Variants in PRICKLE1 observed in about 807,000 individuals in gnomAD.
The protein encoded by PRICKLE1 is prickle planar cell polarity protein 1.
Under a neutral mutation model 70.2 loss-of-function variants are expected in PRICKLE1, and 14 were observed. The ratio of observed to expected loss-of-function variants is 0.20; its 90% CI spans 0.13 to 0.31. PRICKLE1 has a LOEUF of 0.31. Ranked by LOEUF, PRICKLE1 falls within the 10% of genes least tolerant of loss-of-function variation. PRICKLE1 has a pLI of 1.00. For synonymous variants in PRICKLE1, 357 were observed against 379.9 expected, an observed-to-expected ratio of 0.94 and a Z score of 0.70; for missense variants, 821 against 1,026.2, an observed-to-expected ratio of 0.80 and a Z score of 2.73.
intron 1 of PRICKLE1, among the ~76,000 whole-genome samples, chr12:42,501,525 A>G (rs1464698181): frequency 5.7e-4 from 59 of 102,948 alleles, no homozygotes; most frequent in African/African-American, 2.3e-3. Flanking sequence ...AAAAAAAAAA[A>G]AAAAAGAAAA....
intron 1 of PRICKLE1, among the ~76,000 whole-genome samples, chr12:42,487,353 AT>A (rs1270556000): frequency 6.6e-6 from 1 of 152,222 alleles, no homozygotes; most frequent in Non-Finnish European, 1.5e-5. Context: ...GCTAACAGGC[AT>A]TATAAAGTTT....
In PRICKLE1 at chr12:42,469,565, C is replaced by T. The variant is rs1208843941; in HGVS notation, c.269G>A (p.Ser90Asn). 6.2e-7 allele frequency: 1 copy of T among 1,614,064 alleles called. No homozygotes were observed. The highest frequency in any genetic ancestry group is 8.5e-7 in the Non-Finnish European group (1 of 1,180,058). Reference sequence around the variant, plus strand: ...CTGCAACTCTTTTTTCTCCTCTTCACTCAAAGACTGGCAATACCGTACCTT... The same window carrying T: ...CTGCAACTCTTTTTTCTCCTCTTCATTCAAAGACTGGCAATACCGTACCTT... ...DNEVRYCQSL[S>N]EEEKKELQVF... Residue 90 changes from serine to asparagine, a missense_variant, in exon 4 of 8, where the codon AGT (serine) becomes AAT (asparagine). Physicochemically the swap from Ser to Asn is conservative, Grantham distance 46 (BLOSUM62 1). Coordinates refer to ENST00000345127, the MANE Select transcript of PRICKLE1 (RefSeq NM_153026.3).
At chr12:42,495,380 CAAA>C (rs756105644) in intron 1 of PRICKLE1, among the ~76,000 whole-genome samples, 8,568 of 68,722 alleles carry the variant, frequency 0.12, 314 homozygotes, top group Middle Eastern at 0.26. Context: ...GACCTTGTCT[CAAA>C]AAAAAAAAAA....
At chr12:42,476,642 C>T (rs6582398) in intron 1 of PRICKLE1, among the ~76,000 whole-genome samples, 95,596 of 151,216 alleles carry the variant, frequency 0.63, 30,368 homozygotes, top group African/African-American at 0.68. Context: ...CCTGATAACA[C>T]GAAAACTTCA....
chr12:42,461,570 A>C (rs1205313790), intron 7 of PRICKLE1, among the ~76,000 whole-genome samples: 1 of 152,260 alleles, frequency 6.6e-6, no homozygotes, highest in East Asian at 1.9e-4. Flanking sequence ...AAAAAGGGCT[A>C]TCGAGCCCAT....
At chr12:42,489,638 G>T (rs1312127189) in intron 1 of PRICKLE1, 1 of 124,594 alleles carries the variant, frequency 8.0e-6, no homozygotes, top group Non-Finnish European at 1.6e-5. Flanking sequence ...AAACCTGGGG[G>T]ATAAGAGCGA....
At chr12:42,518,644 A>T (rs1221416528) in intron 1 of PRICKLE1, among the ~76,000 whole-genome samples, 5 of 152,218 alleles carry the variant, frequency 3.3e-5, no homozygotes, top group Admixed American at 3.3e-4. Flanking sequence ...CCTTAAAACT[A>T]AAACATTATT....
At chr12:42,519,192 C>CTTTT (rs1939663576) in intron 1 of PRICKLE1, among the ~76,000 whole-genome samples, 1 of 72,380 alleles carries the variant, frequency 1.4e-5, no homozygotes, top group South Asian at 4.9e-4. Flanking sequence ...TCCTTTTTTT[C>CTTTT]CTTTTTTTTT....
intron 1 of PRICKLE1, among the ~76,000 whole-genome samples, chr12:42,498,820 T>G (rs1291698203): frequency 6.6e-6 from 1 of 152,150 alleles, no homozygotes; most frequent in African/African-American, 2.4e-5. Context: ...TTCTTCTACT[T>G]GGAGCCATCT....
intron 1 of PRICKLE1, among the ~76,000 whole-genome samples, chr12:42,586,605 TA>T (rs2120819828): frequency 1.3e-5 from 2 of 152,328 alleles, no homozygotes; most frequent in South Asian, 4.1e-4. Flanking sequence ...TAAGTAATGA[TA>T]ATCTTTACTG....
chr12:42,484,827 A>G (rs758336168), intron 1 of PRICKLE1, among the ~76,000 whole-genome samples: 21 of 152,366 alleles, frequency 1.4e-4, no homozygotes, highest in Non-Finnish European at 2.6e-4. Context: ...CAGAAAAAAA[A>G]TGATAGATTA....
chr12:42,537,411 T>C (rs1940033648), intron 1 of PRICKLE1, among the ~76,000 whole-genome samples: 1 of 152,180 alleles, frequency 6.6e-6, no homozygotes, highest in Non-Finnish European at 1.5e-5. Flanking sequence ...GCGACCATCC[T>C]GCCTCTGTCT....
intron 1 of PRICKLE1, chr12:42,483,517 G>T (rs1165041744): frequency 6.6e-6 from 1 of 151,998 alleles, no homozygotes; most frequent in Non-Finnish European, 1.5e-5. Context: ...ACTCCCGAAG[G>T]AACAGAGGGC....
rs377501862 is a variant in PRICKLE1 at position 42,507,957 on chromosome 12, C to T, written c.-48-35393G>A. 1.2e-3 allele frequency among the ~76,000 whole-genome samples: 189 copies of T among 152,244 alleles called. 1 individual carries two copies. Among genetic ancestry groups the T allele is most frequent in the African/African-American group, 4.3e-3 (178 of 41,542 alleles). On this transcript the variant is annotated intron_variant, in intron 1 of 7. Coordinates refer to ENST00000345127, the MANE Select transcript of PRICKLE1 (RefSeq NM_153026.3). ...GATTTTATCAGGATATAAAATGCAACGATGTCAATCTCATTTGGATTAATC... is the reference window on the plus strand; with the variant it reads ...GATTTTATCAGGATATAAAATGCAATGATGTCAATCTCATTTGGATTAATC...
At chr12:42,492,935 T>C (rs1939130714) in intron 1 of PRICKLE1, among the ~76,000 whole-genome samples, 1 of 152,188 alleles carries the variant, frequency 6.6e-6, no homozygotes, top group African/African-American at 2.4e-5. Flanking sequence ...TCAATAGATA[T>C]TTATGGAGTG....
intron 1 of PRICKLE1, among the ~76,000 whole-genome samples, chr12:42,566,139 TG>T (rs1463419454): frequency 5.9e-5 from 9 of 152,194 alleles, no homozygotes; most frequent in Admixed American, 1.3e-4. Context: ...ATCCTCATTT[TG>T]GACGGATCAC....
At chr12:42,480,575 C>A (rs1938757688) in intron 1 of PRICKLE1, among the ~76,000 whole-genome samples, 1 of 152,158 alleles carries the variant, frequency 6.6e-6, no homozygotes, top group African/African-American at 2.4e-5. Flanking sequence ...GCTATTTTGG[C>A]CACTTGGGGA....
intron 1 of PRICKLE1, among the ~76,000 whole-genome samples, chr12:42,573,922 G>A (rs1940763138): frequency 6.6e-6 from 1 of 152,132 alleles, no homozygotes; most frequent in African/African-American, 2.4e-5. Flanking sequence ...TGGTAATATT[G>A]TCTAAATTTA....
chr12:42,515,576 G>C (rs1293427044), intron 1 of PRICKLE1, among the ~76,000 whole-genome samples: 1 of 152,118 alleles, frequency 6.6e-6, no homozygotes, highest in Non-Finnish European at 1.5e-5. Context: ...TCTATCCCAT[G>C]TACCTTTTCA....
Sources: allele counts gnomAD v4.1 joint callset (sites outside exome capture counted in the v4.1 genomes callset), GRCh38; gene constraint gnomAD v4.1.1; transcripts MANE v1.5; gene names NCBI Gene and HGNC (gene_info 2026-07-23, HGNC 2026-07-21).